The following PLXNB2 variants were observed in gnomAD, a reference collection of about 807,000 sequenced individuals.
PLXNB2 encodes the protein plexin B2.
A neutral mutation model predicts 202.6 loss-of-function variants in PLXNB2; 85 were observed. The ratio of observed to expected loss-of-function variants is 0.42; its 90% CI spans 0.35 to 0.50. The LOEUF (loss-of-function observed/expected upper bound fraction) is 0.50, where lower values mean the gene tolerates loss of function less well. Ranked by LOEUF, PLXNB2 falls within the 20% of genes least tolerant of loss-of-function variation. PLXNB2 has a pLI of 0.02. For synonymous variants in PLXNB2, 1,239 were observed against 1,137.6 expected, an observed-to-expected ratio of 1.09 and a Z score of -1.79; for missense variants, 2,063 against 2,586.2, an observed-to-expected ratio of 0.80 and a Z score of 4.39.
In PLXNB2 at chr22:50,286,000, C is replaced by A; in HGVS notation, c.1976G>T (p.Arg659Leu). Residue 659 changes from arginine (R) to leucine (L), a missense_variant, in exon 10 of 37, where the codon CGT becomes CTT. Coordinates refer to ENST00000359337, the MANE Select transcript of PLXNB2 (RefSeq NM_012401.4). ...CCCGAGGCCCCTCACCATGTGGGCACGGACGATGCCGTCCTCAGGGTTGGG... is the reference window on the plus strand; with the variant it reads ...CCCGAGGCCCCTCACCATGTGGGCAAGGACGATGCCGTCCTCAGGGTTGGG... ...ASPNPEDGIVRAHMEDSCPQF... is the reference protein window; with the variant it reads ...ASPNPEDGIVLAHMEDSCPQF... The A allele has an allele frequency of 1.2e-6, 2 of 1,612,268 alleles. No individual in the cohort carries two copies. Among genetic ancestry groups the A allele is most frequent in the Non-Finnish European group, 8.5e-7 (1 of 1,179,756 alleles).
In PLXNB2 at chr22:50,283,687, C is replaced by T. The variant is rs1289387729; in HGVS notation, c.2485G>A (p.Gly829Ser). Residue 829 changes from glycine (G) to serine (S), a missense_variant, in exon 15 of 37, where the codon GGC (glycine) becomes AGC (serine). Around this residue, in one of 2 missense-constraint regions of PLXNB2, gnomAD observed 1,303 missense variants for 1,476.8 expected, o/e 0.88. Coordinates refer to ENST00000359337, the MANE Select transcript of PLXNB2 (RefSeq NM_012401.4). ...IRITILGSNL[G>S]VQAGDIQRIS... Reference sequence around the variant, plus strand: ...CTCTGGATGTCCCCTGCTTGGACGCCCAAATTGGACCCCAGGATGGTGATG... The same window carrying T: ...CTCTGGATGTCCCCTGCTTGGACGCTCAAATTGGACCCCAGGATGGTGATG... 2 of 1,613,034 alleles carry T rather than the reference C, an allele frequency of 1.2e-6. No homozygotes were observed. The highest frequency in any genetic ancestry group is 1.7e-6 in the Non-Finnish European group (2 of 1,179,960).
intron 20 of PLXNB2, 44 bp from the exon 21 acceptor site, chr22:50,281,786 G>T (rs200516621): frequency 4.5e-6 from 7 of 1,569,776 alleles, no homozygotes; most frequent in Non-Finnish European, 6.1e-6. Flanking sequence ...GGGAACCAGG[G>T]ACAGGTGGAC....
Position 50,280,992 on chromosome 22 carries a change from G to C in PLXNB2, c.3764-19C>G. On this transcript the variant is annotated intron_variant, in intron 23 of 36. Transcript: ENST00000359337. ...ATCAGGTCTGGGGGGAGGCTGGCGT[G>C]AGACGTCCCTGGCCACGTGGGGCCC... 2 of 1,609,866 alleles carry C rather than the reference G, an allele frequency of 1.2e-6. No individual in the cohort carries two copies.
At chr22:50,296,232 T>G (rs1414467412) in intron 1 of PLXNB2, among the ~76,000 whole-genome samples, 1 of 65,462 alleles carries the variant, frequency 1.5e-5, no homozygotes, top group South Asian at 6.2e-4. Flanking sequence ...ACACACACAA[T>G]AAAAAAGTTC....
chr22:50,282,123 C>T (rs750611205), intron 19 of PLXNB2, 42 bp from the exon 20 acceptor site: 59 of 1,604,168 alleles, frequency 3.7e-5, no homozygotes, highest in Non-Finnish European at 4.7e-5. Context: ...GCGCAGACCC[C>T]GCCCTTCCTG....
Position 50,281,654 on chromosome 22 carries a change from G to T in PLXNB2, c.3434C>A (p.Thr1145Asn). The T allele has an allele frequency of 6.3e-7, 1 of 1,593,160 alleles. No individual in the cohort carries two copies. Among genetic ancestry groups the T allele is most frequent in the South Asian group, 1.1e-5 (1 of 88,586 alleles). Residue 1145 changes from threonine to asparagine, a missense_variant, in exon 21 of 37, where the codon ACC (threonine) becomes AAC (asparagine). Physicochemically the swap from Thr to Asn is moderately conservative, Grantham distance 65. Around this residue, in one of 2 missense-constraint regions of PLXNB2, gnomAD observed 760 missense variants for 1,109.4 expected, o/e 0.69. Transcript: ENST00000359337. ...ERCTMKTLTE[T>N]DLYCEPPEVQ... ...CTCCGGGGGCTCACAGTACAGGTCG[G>T]TCTCCGTCAGCGTCTTCATGGTGCA... is the stretch of plus-strand genomic sequence containing the variant.
At position 50,307,621 on chromosome 22, in the gene PLXNB2, C is replaced by G. The variant is rs958604976; in HGVS notation, c.-142G>C. 1.1e-4 allele frequency: 107 copies of G among 981,764 alleles called. No homozygotes were observed. In the Middle Eastern group the frequency reaches 1.6e-3, roughly 14 times the overall value. 60.8% of individuals were successfully genotyped at this position (981,764 alleles called of 1,614,324 possible). ...CGGCGCTGCGCTCTGGCCCGCGCTG[C>G]TGCCATGGAGACGGGGCCTTTGTGT... On this transcript the variant is annotated 5_prime_UTR_variant, in exon 1 of 37. Coordinates refer to ENST00000359337, the MANE Select transcript of PLXNB2 (RefSeq NM_012401.4).
At position 50,277,684 on chromosome 22, in the gene PLXNB2, G is replaced by T. The variant is rs375503886; in HGVS notation, c.5103C>A (p.Asp1701Glu). Residue 1701 changes from aspartate to glutamate, a missense_variant, in exon 33 of 37, where the codon GAC becomes GAA. Coordinates refer to ENST00000359337, the MANE Select transcript of PLXNB2 (RefSeq NM_012401.4). Reference protein sequence around the residue: ...NILKNPHFIFDVHVHEVVDAS... With the variant: ...NILKNPHFIFEVHVHEVVDAS... ...CGTCCACCACCTCGTGGACATGCAC[G>T]TCAAAGATGAAGTGGGGGTTCTTGA... 6.2e-7 allele frequency: 1 copy of T among 1,608,330 alleles called. No homozygotes were observed.
intron 1 of PLXNB2, among the ~76,000 whole-genome samples, chr22:50,305,524 G>A (rs1007546957): frequency 6.6e-6 from 1 of 152,242 alleles, no homozygotes; most frequent in African/African-American, 2.4e-5. Context: ...TGGGCTCACA[G>A]GCGCCATATC....
At chr22:50,280,097 C>T (rs1398701716) in intron 25 of PLXNB2, 26 bp from the exon 26 acceptor site, 10 of 1,561,524 alleles carry the variant, frequency 6.4e-6, no homozygotes, top group East Asian at 4.5e-5. Flanking sequence ...GGCCTTGTAC[C>T]GAGTGACCCC....
intron 2 of PLXNB2, among the ~76,000 whole-genome samples, chr22:50,293,403 C>T (rs1270322019): frequency 6.6e-6 from 1 of 152,184 alleles, no homozygotes; most frequent in Admixed American, 6.5e-5. Flanking sequence ...GGGCAGGTCC[C>T]GCAGGCCCCC....
At chr22:50,295,324 A>AG (rs1355450709) in intron 1 of PLXNB2, among the ~76,000 whole-genome samples, 39 of 150,138 alleles carry the variant, frequency 2.6e-4, no homozygotes, top group African/African-American at 9.0e-4. Context: ...AAAAAAAAAA[A>AG]AAAGTTGCTT....
intron 1 of PLXNB2, among the ~76,000 whole-genome samples, chr22:50,299,251 G>A (rs925471644): frequency 1.4e-5 from 2 of 144,788 alleles, no homozygotes; most frequent in Non-Finnish European, 3.1e-5. Flanking sequence ...AGGGCTGTGC[G>A]GCCCTCCAGG....
At position 50,291,031 on chromosome 22, in the gene PLXNB2, C is replaced by A. The variant is rs1347833237; in HGVS notation, c.-13-434G>T. ...CACAGGCTCAGGCTGACAGACAGAC[C>A]CCTGGACGTTGGAACAGGTGGCTCA... is the stretch of plus-strand genomic sequence containing the variant. On this transcript the variant is annotated intron_variant, in intron 2 of 36. Coordinates refer to ENST00000359337, the MANE Select transcript of PLXNB2 (RefSeq NM_012401.4). The surrounding 1 kb of genome is among the most constrained non-coding windows in gnomAD (Gnocchi z 4.3). Among the ~76,000 whole-genome samples, 1 of 152,164 alleles carries A rather than the reference C, an allele frequency of 6.6e-6. No individual in the cohort carries two copies. The highest frequency in any genetic ancestry group is 1.5e-5 in the Non-Finnish European group (1 of 68,034).
In PLXNB2 at chr22:50,286,069, G is replaced by C. The variant is rs1045681680; in HGVS notation, c.1907C>G (p.Thr636Ser). ...PCISCVSNRW[T>S]CQWDLRYHEC... Reference sequence around the variant, plus strand: ...GTGGTAGCGCAGGTCCCACTGGCAGGTCCAGCGGTTGCTCACGCAGGAGAT... The same window carrying C: ...GTGGTAGCGCAGGTCCCACTGGCAGCTCCAGCGGTTGCTCACGCAGGAGAT... Residue 636 changes from threonine (T) to serine (S), a missense_variant, in exon 10 of 37, where the codon ACC (threonine) becomes AGC (serine). Thr to Ser is a moderately conservative substitution (Grantham distance 58). Around this residue, in one of 2 missense-constraint regions of PLXNB2, gnomAD observed 1,303 missense variants for 1,476.8 expected, o/e 0.88. Transcript: ENST00000359337. The C allele has an allele frequency of 6.8e-6, 11 of 1,612,144 alleles. No homozygotes were observed. The highest frequency in any genetic ancestry group is 5.0e-5 in the Admixed American group (3 of 60,028).
rs372153902 is a variant in PLXNB2 at position 50,278,049 on chromosome 22, C to T, written c.4888-36G>A. 2.1e-5 allele frequency: 33 copies of T among 1,602,592 alleles called. No homozygotes were observed. In the African/African-American group the frequency reaches 2.6e-4, roughly 12 times the overall value. On this transcript the variant is annotated intron_variant, in intron 31 of 36. Coordinates refer to ENST00000359337, the MANE Select transcript of PLXNB2 (RefSeq NM_012401.4). ...GAGGGTCTCAGCGTGACGCCGTGGG[C>T]GCGGCTCCTGGGGGGGAGGGTCTCA...
Position 50,288,098 on chromosome 22 carries a change from C to A in PLXNB2, c.1381-61G>T. On this transcript the variant is annotated intron_variant, in intron 5 of 36. Transcript: ENST00000359337. The surrounding 1 kb of genome is among the most constrained non-coding windows in gnomAD (Gnocchi z 5.0). ...AGGCCGCACGGGCCTTCCGCAGACCCCAGATGTCCCCAGACCGCCAGCTTG... is the reference window on the plus strand; with the variant it reads ...AGGCCGCACGGGCCTTCCGCAGACCACAGATGTCCCCAGACCGCCAGCTTG... 7.9e-7 allele frequency: 1 copy of A among 1,263,782 alleles called. No homozygotes were observed. Among genetic ancestry groups the A allele is most frequent in the South Asian group, 1.3e-5 (1 of 77,630 alleles). 78.3% of individuals were successfully genotyped at this position (1,263,782 alleles called of 1,614,324 possible).
rs1221057887 is a variant in PLXNB2 at position 50,281,375 on chromosome 22, G to C, written c.3647C>G (p.Ser1216Cys). Residue 1216 changes from serine to cysteine, a missense_variant, in exon 22 of 37, where the codon TCT becomes TGT. Transcript: ENST00000359337. The part of the protein sequence containing the change: ...IVPMVVVIAV[S>C]VYCYWRKSQQ... Reference sequence around the variant, plus strand: ...GCGGGCTCACCAGTAGCAGTAGACAGACACCGCGATGACGACCACCATGGG... The same window carrying C: ...GCGGGCTCACCAGTAGCAGTAGACACACACCGCGATGACGACCACCATGGG... 3 of 1,612,066 alleles carry C rather than the reference G, an allele frequency of 1.9e-6. No homozygotes were observed. The highest frequency in any genetic ancestry group is 2.5e-6 in the Non-Finnish European group (3 of 1,179,756).
Position 50,286,965 on chromosome 22 carries a change from G to C in PLXNB2, c.1762+146C>G, listed in dbSNP as rs2066500422. On this transcript the variant is annotated intron_variant, in intron 8 of 36. Transcript: ENST00000359337. ...AACAGGCACAGCAACCCCACCACAG[G>C]CTTCATTCAGGCTGGGCCCCCGGAG... The C allele has an allele frequency of 3.8e-6, 3 of 786,978 alleles. No individual in the cohort carries two copies. In the South Asian group the frequency reaches 7.3e-5, roughly 19 times the overall value. The allele number at this position is 786,978 out of a possible 1,614,324, so 48.7% of individuals were successfully genotyped here.
Sources: gnomAD v4.1 joint callset for allele counts (sites outside exome capture counted in the v4.1 genomes callset) on GRCh38, gnomAD v4.1.1 for gene constraint, gnomAD v4.1.1 regional missense constraint, Gnocchi (gnomAD v3.1) non-coding constraint, MANE v1.5 for transcripts, NCBI Gene and HGNC (gene_info 2026-07-23, HGNC 2026-07-21) for gene names.